KLF13: variants seen among roughly 807,000 people sequenced by gnomAD.
KLF13 encodes Krueppel-like factor 13.
KLF13 carries 8 observed loss-of-function variants against 16.7 expected under a neutral mutation model. The observed-to-expected ratio is 0.48, with a 90% confidence interval of 0.28 to 0.87. The LOEUF is 0.87. Among genes scored for constraint, KLF13 ranks in the 40% least tolerant of loss-of-function variants. The pLI, the probability that KLF13 is intolerant of heterozygous loss-of-function variation, is 0.10. For missense variants in KLF13, 447 were observed against 452.2 expected, an observed-to-expected ratio of 0.99 and a Z score of 0.10; for synonymous variants, 245 against 208.4, an observed-to-expected ratio of 1.18 and a Z score of -1.51.
chr15:31,405,559 C>A (rs902904892), downstream of KLF13, among the ~76,000 whole-genome samples: 1 of 152,224 alleles, frequency 6.6e-6, no homozygotes, highest in Non-Finnish European at 1.5e-5. Context: ...ATGAAAACAT[C>A]TTGCTAGGAA....
chr15:31,355,824 C>T (rs935247583), intron 1 of KLF13, among the ~76,000 whole-genome samples: 1 of 151,886 alleles, frequency 6.6e-6, no homozygotes, highest in African/African-American at 2.4e-5. Flanking sequence ...GTTGTCCCCA[C>T]ACCCCCAGCC....
intron 1 of KLF13, among the ~76,000 whole-genome samples, chr15:31,351,761 C>T (rs2039220479): frequency 1.3e-5 from 2 of 150,158 alleles, no homozygotes; most frequent in African/African-American, 2.4e-5. Flanking sequence ...CCTATAATCC[C>T]AGCACTTTGG....
intron 1 of KLF13, among the ~76,000 whole-genome samples, chr15:31,363,842 T>TA (rs1442010431): frequency 2.0e-5 from 3 of 152,246 alleles, no homozygotes; most frequent in Admixed American, 1.3e-4. Flanking sequence ...ACTTCTGTCT[T>TA]ACAGTTTTCT....
chr15:31,421,958 A>T (rs2040331136), intron 1 of KLF13, among the ~76,000 whole-genome samples: 1 of 151,990 alleles, frequency 6.6e-6, no homozygotes, highest in South Asian at 2.1e-4. Flanking sequence ...TACCAAAAAT[A>T]TAAAAAATTA....
rs1020824337 is a variant in KLF13 at position 31,377,338 on chromosome 15, C to T, written c.*5039C>T. 4 of 152,584 alleles carry T rather than the reference C, an allele frequency of 2.6e-5. No individual in the cohort carries two copies. Among genetic ancestry groups the T allele is most frequent in the African/African-American group, 9.7e-5 (4 of 41,424 alleles). 9.5% of individuals were successfully genotyped at this position (152,584 alleles called of 1,614,324 possible). Reference sequence around the variant, plus strand: ...AGGCCCCTGGTGCCTAGTGCTGAGGCCTCTGGGGCTGGAAAGCCTCAGCAG... The same window carrying T: ...AGGCCCCTGGTGCCTAGTGCTGAGGTCTCTGGGGCTGGAAAGCCTCAGCAG... On this transcript the variant is annotated 3_prime_UTR_variant, in exon 2 of 2. Coordinates refer to ENST00000307145, the MANE Select transcript of KLF13 (RefSeq NM_015995.4).
intron 1 of KLF13, among the ~76,000 whole-genome samples, chr15:31,346,780 G>T (rs1468473684): frequency 6.6e-6 from 1 of 152,252 alleles, no homozygotes; most frequent in African/African-American, 2.4e-5. Context: ...TGGTGGTGGG[G>T]CCAGGGCTCC....
chr15:31,352,903 G>T (rs1179106953), intron 1 of KLF13, among the ~76,000 whole-genome samples: 3 of 152,174 alleles, frequency 2.0e-5, no homozygotes, highest in South Asian at 4.1e-4. Flanking sequence ...GAGTTTTTGT[G>T]GGGAGGGCAG....
At chr15:31,337,335 A>C (rs1021959052) in intron 1 of KLF13, among the ~76,000 whole-genome samples, 1 of 152,244 alleles carries the variant, frequency 6.6e-6, no homozygotes, top group African/African-American at 2.4e-5. Context: ...TGGCAGAAGG[A>C]GGCCTTGGAC....
chr15:31,355,639 G>A (rs953250838), intron 1 of KLF13, among the ~76,000 whole-genome samples: 2 of 152,116 alleles, frequency 1.3e-5, no homozygotes, highest in Non-Finnish European at 2.9e-5. Context: ...GCACATGAGC[G>A]CCTGCAGGCA....
At chr15:31,409,774 A>G (rs899010803) in intron 1 of KLF13, among the ~76,000 whole-genome samples, 1 of 152,196 alleles carries the variant, frequency 6.6e-6, no homozygotes. Flanking sequence ...AGCATTCTAT[A>G]TTCAGCAAAA....
chr15:31,378,159 CGGA>C (rs1427653677), downstream of KLF13, among the ~76,000 whole-genome samples: 3 of 152,280 alleles, frequency 2.0e-5, no homozygotes, highest in East Asian at 5.8e-4. Flanking sequence ...CGAAAGAGCA[CGGA>C]GGAGAACGGG....
At chr15:31,331,905 C>G (rs1234372511) in intron 1 of KLF13, among the ~76,000 whole-genome samples, 2 of 152,228 alleles carry the variant, frequency 1.3e-5, no homozygotes, top group Non-Finnish European at 2.9e-5. Context: ...TAGCAAGTAT[C>G]TCACTGCTGG....
intron 1 of KLF13, among the ~76,000 whole-genome samples, chr15:31,418,860 A>G (rs1007322495): frequency 6.6e-6 from 1 of 152,220 alleles, no homozygotes; most frequent in African/African-American, 2.4e-5. Context: ...CTGTGATCCT[A>G]GCACTTTGGG....
chr15:31,327,857 C>T (rs1274371301), intron 1 of KLF13, 68 bp downstream of exon 1: 2 of 1,262,372 alleles, frequency 1.6e-6, no homozygotes, highest in South Asian at 2.4e-5. Flanking sequence ...GACCACGCCC[C>T]CGGAGTCCCC....
chr15:31,417,894 A>G (rs1363329663), intron 1 of KLF13, among the ~76,000 whole-genome samples: 5 of 152,198 alleles, frequency 3.3e-5, no homozygotes, highest in Non-Finnish European at 7.3e-5. Flanking sequence ...ACAATATTAA[A>G]TGATCCAATT....
In KLF13 at chr15:31,372,400, G is replaced by GA. The variant is rs1403599671; in HGVS notation, c.*107dup. ...AGAGAGAACTTGATGCAAAGTCCAC[G>GA]AAAAAACAATTTTTTTCACCTCAGG... On this transcript the variant is annotated 3_prime_UTR_variant, in exon 2 of 2. Coordinates refer to ENST00000307145, the MANE Select transcript of KLF13 (RefSeq NM_015995.4). 8.0e-7 allele frequency: 1 copy of GA among 1,255,736 alleles called. No individual in the cohort carries two copies. The highest frequency in any genetic ancestry group is 1.6e-5 in the African/African-American group (1 of 64,016). 77.8% of individuals were successfully genotyped at this position (1,255,736 alleles called of 1,614,324 possible). A position where few individuals can be genotyped will look rare whatever the true frequency, so the allele number is the denominator to read the frequency against.
chr15:31,387,885 C>T (rs2039811457), upstream of KLF13, among the ~76,000 whole-genome samples: 1 of 152,178 alleles, frequency 6.6e-6, no homozygotes, highest in Admixed American at 6.5e-5. Context: ...AGCTTTGTCC[C>T]ATAATAGGGG....
At chr15:31,433,914 C>A (rs2040500660) in intron 1 of KLF13, among the ~76,000 whole-genome samples, 1 of 152,202 alleles carries the variant, frequency 6.6e-6, no homozygotes, top group Admixed American at 6.5e-5. Flanking sequence ...TCTTATCTGC[C>A]CTCGCCATGT....
chr15:31,328,481 G>A (rs1459081387), intron 1 of KLF13, among the ~76,000 whole-genome samples: 1 of 151,936 alleles, frequency 6.6e-6, no homozygotes, highest in African/African-American at 2.4e-5. Flanking sequence ...GGCCCGGCGG[G>A]GGCGCGCCCG....
Sources: allele counts gnomAD v4.1 joint callset (sites outside exome capture counted in the v4.1 genomes callset), GRCh38; gene constraint gnomAD v4.1.1; transcripts MANE v1.5; gene names NCBI Gene and HGNC (gene_info 2026-07-23, HGNC 2026-07-21).